KMT2E: variants seen among roughly 807,000 people sequenced by gnomAD.
KMT2E encodes lysine methyltransferase 2E (inactive), also known as histone reader KMT2E.
A neutral mutation model predicts 184.6 loss-of-function variants in KMT2E; 30 were observed. The observed-to-expected ratio is 0.16, with a 90% CI of 0.12 to 0.22. The LOEUF (loss-of-function observed/expected upper bound fraction) is 0.22. Among genes scored for constraint, KMT2E ranks in the 10% least tolerant of loss-of-function variants. KMT2E has a pLI of 1.00. For synonymous variants in KMT2E, 815 were observed against 776.5 expected, an observed-to-expected ratio of 1.05 and a Z score of -0.82; for missense variants, 2,023 against 2,237.4, an observed-to-expected ratio of 0.90 and a Z score of 1.93.
chr7:105,110,896 C>G (rs762686981), intron 26 of KMT2E, 28 bp downstream of exon 26: 3 of 1,506,144 alleles, frequency 2.0e-6, no homozygotes, highest in Non-Finnish European at 2.8e-6. Context: ...TCGATGGGTT[C>G]CAAAGGACTT....
rs1267735024 is a variant in KMT2E, at chr7:105,077,395, G to A, written c.1092G>A (p.Leu364=). ...TTGAATACAGAGGGAAGTTTATGCTGAGAGAACAGTTTGAAGCAAATGGGT... is the reference window on the plus strand; with the variant it reads ...TTGAATACAGAGGGAAGTTTATGCTAAGAGAACAGTTTGAAGCAAATGGGT... ...LIIEYRGKFM[L]REQFEANGYF... Residue 364 remains leucine, a synonymous_variant, in exon 11 of 27, where the codon CTG becomes CTA. Transcript: ENST00000311117. 6 of 1,609,794 alleles carry A rather than the reference G, an allele frequency of 3.7e-6. No individual in the cohort carries two copies. The highest frequency in any genetic ancestry group is 2.2e-5 in the South Asian group (2 of 90,784).
rs138211793 is a variant in KMT2E at position 105,022,794 on chromosome 7, C to T, written c.-189+8259C>T. ...TTGGGTACATACATACACATATACA[C>T]CAGGGTTTTTAACTGATTTGTTTCT... On this transcript the variant is annotated intron_variant, in intron 1 of 26. Transcript: ENST00000311117. Among the ~76,000 whole-genome samples, 559 of 152,182 alleles carry T rather than the reference C, an allele frequency of 3.7e-3. 15 individuals are homozygous for T. In the East Asian group the frequency reaches 0.062, roughly 17 times the overall value.
rs896345575 is a variant in KMT2E at position 105,062,382 on chromosome 7, G to T, written c.186+104G>T. 56 of 627,044 alleles carry T rather than the reference G, an allele frequency of 8.9e-5. No individual in the cohort carries two copies. In the East Asian group the frequency reaches 1.5e-3, roughly 17 times the overall value. The allele number at this position is 627,044 out of a possible 1,614,324, so 38.8% of individuals were successfully genotyped here. ...AACGGCATGTTTGAAAAGCATGGTT[G>T]TTTCATACTATCAAAATAATTAGGC... On this transcript the variant is annotated intron_variant, in intron 4 of 26. Transcript: ENST00000311117.
intron 1 of KMT2E, among the ~76,000 whole-genome samples, chr7:105,022,332 T>G (rs1428605154): frequency 6.6e-6 from 1 of 152,214 alleles, no homozygotes; most frequent in East Asian, 1.9e-4. Flanking sequence ...TCCTCCATCT[T>G]TGTCTTTCAT....
intron 1 of KMT2E, among the ~76,000 whole-genome samples, chr7:105,014,940 C>T (rs546350961): frequency 2.6e-5 from 4 of 152,246 alleles, no homozygotes; most frequent in African/African-American, 9.6e-5. Context: ...GCGTCTTGTT[C>T]AGGTGCTGAA....
intron 15 of KMT2E, among the ~76,000 whole-genome samples, chr7:105,097,625 T>C (rs1798467784): frequency 6.6e-6 from 1 of 152,142 alleles, no homozygotes; most frequent in Admixed American, 6.5e-5. Flanking sequence ...GACCTTGTGA[T>C]GATCCACCCA....
chr7:105,034,139 G>C (rs940523247), intron 1 of KMT2E, among the ~76,000 whole-genome samples: 56 of 152,148 alleles, frequency 3.7e-4, no homozygotes, highest in Non-Finnish European at 1.8e-4. Flanking sequence ...CATGAGTTTT[G>C]GCAGGGACAA....
At chr7:105,037,764 A>G (rs1304867541) in intron 1 of KMT2E, among the ~76,000 whole-genome samples, 1 of 149,676 alleles carries the variant, frequency 6.7e-6, no homozygotes, top group East Asian at 2.0e-4. Context: ...CTTTTACTTC[A>G]TTTTTCCTAC....
chr7:105,091,811 T>C (rs1313861898), intron 15 of KMT2E, among the ~76,000 whole-genome samples: 6 of 152,062 alleles, frequency 3.9e-5, no homozygotes, highest in South Asian at 2.1e-4. Context: ...TTAGGATATA[T>C]ATTCCTTGTA....
At chr7:105,041,105 A>G in intron 3 of KMT2E, 82 bp downstream of exon 3, 1 of 794,108 alleles carries the variant, frequency 1.3e-6, no homozygotes, top group Non-Finnish European at 1.9e-6. Context: ...GTATAAGTGG[A>G]AAATATTAAA....
chr7:105,073,477 A>T (rs1797410940), intron 6 of KMT2E, 142 bp from the exon 7 acceptor site: 1 of 561,296 alleles, frequency 1.8e-6, no homozygotes, highest in African/African-American at 1.9e-5. Context: ...ATTGTATGTA[A>T]ACTGTATTGC....
intron 14 of KMT2E, 147 bp downstream of exon 14, chr7:105,090,420 C>A: frequency 1.1e-6 from 1 of 930,432 alleles, no homozygotes; most frequent in Non-Finnish European, 1.5e-6. Context: ...GTGTAAAATA[C>A]AAGTTCTGCT....
At chr7:105,054,965 T>C (rs1292340459) in intron 3 of KMT2E, among the ~76,000 whole-genome samples, 1 of 152,140 alleles carries the variant, frequency 6.6e-6, no homozygotes, top group East Asian at 1.9e-4. Flanking sequence ...GCAGAGGAAA[T>C]TTACCTATTT....
chr7:105,021,241 C>G (rs1169880573), intron 1 of KMT2E, among the ~76,000 whole-genome samples: 1 of 152,224 alleles, frequency 6.6e-6, no homozygotes. Context: ...TCTGCTTCTT[C>G]TCTTTAAATG....
intron 13 of KMT2E, among the ~76,000 whole-genome samples, chr7:105,084,706 C>T (rs886875702): frequency 1.7e-4 from 26 of 152,058 alleles, no homozygotes; most frequent in African/African-American, 6.0e-4. Flanking sequence ...CTTTTTATTG[C>T]CATACACAAT....
chr7:105,050,735 G>GTCTT (rs954759102), intron 3 of KMT2E, among the ~76,000 whole-genome samples: 1 of 102,324 alleles, frequency 9.8e-6, no homozygotes, highest in Non-Finnish European at 2.0e-5. Flanking sequence ...CTGTCTTTCT[G>GTCTT]TCTTTCTTTC....
intron 1 of KMT2E, among the ~76,000 whole-genome samples, chr7:105,034,730 T>C (rs1424961431): frequency 6.6e-6 from 1 of 152,060 alleles, no homozygotes; most frequent in Non-Finnish European, 1.5e-5. Flanking sequence ...TATGTAACCA[T>C]ACCTATCTTT....
rs181180585 is a variant in KMT2E at position 105,049,070 on chromosome 7, G to T, written c.71+8047G>T. Among the ~76,000 whole-genome samples the T allele has an allele frequency of 2.4e-4, 37 of 152,304 alleles. 1 individual carries two copies. Among genetic ancestry groups the T allele is most frequent in the Admixed American group, 1.1e-3 (17 of 15,296 alleles). On this transcript the variant is annotated intron_variant, in intron 3 of 26. Transcript: ENST00000311117. ...AACAGGGAAAAAATATCAAACATGG[G>T]AGTAATAGACCAAGGGAAGAATATT... is the stretch of plus-strand genomic sequence containing the variant.
At chr7:105,071,595 TATATATATATATA>T (rs1387619208) in intron 6 of KMT2E, among the ~76,000 whole-genome samples, 24 of 66,858 alleles carry the variant, frequency 3.6e-4, no homozygotes, top group African/African-American at 9.5e-4. Flanking sequence ...TATATATATA[TATATATATATATA>T]TTTTTTTTTT....
Sources: allele counts gnomAD v4.1 joint callset (sites outside exome capture counted in the v4.1 genomes callset), GRCh38; gene constraint gnomAD v4.1.1; transcripts MANE v1.5; gene names NCBI Gene and HGNC (gene_info 2026-07-23, HGNC 2026-07-21).